Variants in ENPP1 observed in about 807,000 individuals in gnomAD.
The protein encoded by ENPP1 is ectonucleotide pyrophosphatase/phosphodiesterase family member 1.
ENPP1 carries 73 observed loss-of-function variants against 122.8 expected under a neutral mutation model. The ratio of observed to expected loss-of-function variants is 0.59; its 90% CI spans 0.49 to 0.72. ENPP1 has a LOEUF of 0.72. Ranked by LOEUF, ENPP1 falls within the 30% of genes least tolerant of loss-of-function variation. The pLI, the probability that ENPP1 is intolerant of heterozygous loss-of-function variation, is 0.00. For synonymous variants in ENPP1, 367 were observed against 391.6 expected, an observed-to-expected ratio of 0.94 and a Z score of 0.74; for missense variants, 978 against 1,128.1, an observed-to-expected ratio of 0.87 and a Z score of 1.91.
At chr6:131,865,539 C>A (rs866466948) in intron 11 of ENPP1, among the ~76,000 whole-genome samples, 2 of 152,332 alleles carry the variant, frequency 1.3e-5, no homozygotes, top group South Asian at 2.1e-4. Context: ...ACTTAGCCAG[C>A]GCCTAGCTAT....
intron 18 of ENPP1, 138 bp from the exon 19 acceptor site, chr6:131,878,403 GA>G (rs34248452): frequency 3.3e-5 from 23 of 689,818 alleles, no homozygotes; most frequent in East Asian, 1.4e-4. Context: ...CCTTGAAAGA[GA>G]AAAAAAAATC....
At chr6:131,853,526 T>A (rs1781906984) in intron 5 of ENPP1, among the ~76,000 whole-genome samples, 1 of 152,158 alleles carries the variant, frequency 6.6e-6, no homozygotes, top group Admixed American at 6.5e-5. Context: ...TGATTTCTGT[T>A]GATTGAATAA....
chr6:131,810,118 G>C (rs1327246277), intron 1 of ENPP1, among the ~76,000 whole-genome samples: 1 of 152,236 alleles, frequency 6.6e-6, no homozygotes, highest in Admixed American at 6.5e-5. Flanking sequence ...CAGCACTTTG[G>C]GAAGTTGAGG....
Position 131,884,978 on chromosome 6 carries a change from G to C in ENPP1, c.2359G>C (p.Glu787Gln). 6.2e-7 allele frequency: 1 copy of C among 1,614,044 alleles called. No homozygotes were observed. The highest frequency in any genetic ancestry group is 8.5e-7 in the Non-Finnish European group (1 of 1,179,928). ...HDTLLRKYAE[E>Q]RNGVNVVSGP... Reference sequence around the variant, plus strand: ...CACCCTACTGCGAAAGTATGCTGAAGAAAGAAATGGTGTCAATGTCGTCAG... The same window carrying C: ...CACCCTACTGCGAAAGTATGCTGAACAAAGAAATGGTGTCAATGTCGTCAG... Residue 787 changes from glutamate to glutamine, a missense_variant, in exon 23 of 25, where the codon GAA (glutamate) becomes CAA (glutamine). Transcript: ENST00000647893.
At chr6:131,811,355 CATATATCTATATCTATATCT>C (rs1327824117) in intron 1 of ENPP1, among the ~76,000 whole-genome samples, 89 of 128,974 alleles carry the variant, frequency 6.9e-4, no homozygotes, top group African/African-American at 1.5e-3. Context: ...TTTAAAAAAA[CATATATCTATATCTATATCT>C]ATATATCTAT....
At chr6:131,849,581 T>A (rs1032937015) in intron 2 of ENPP1, among the ~76,000 whole-genome samples, 1 of 152,100 alleles carries the variant, frequency 6.6e-6, no homozygotes, top group East Asian at 1.9e-4. Flanking sequence ...CTAAAAAAAA[T>A]TTTTCCCACA....
At chr6:131,876,249 T>G (rs148885130) in intron 17 of ENPP1, among the ~76,000 whole-genome samples, 128 of 152,298 alleles carry the variant, frequency 8.4e-4, no homozygotes, top group African/African-American at 2.9e-3. Flanking sequence ...GCCATAATGG[T>G]TGAATATAGG....
chr6:131,832,466 G>T (rs1005413128), intron 1 of ENPP1, among the ~76,000 whole-genome samples: 11 of 152,164 alleles, frequency 7.2e-5, no homozygotes, highest in Non-Finnish European at 1.6e-4. Flanking sequence ...AATGATTTAG[G>T]CATAAGATCT....
At chr6:131,886,955 G>A (rs1236425471) in intron 24 of ENPP1, among the ~76,000 whole-genome samples, 3 of 146,672 alleles carry the variant, frequency 2.0e-5, no homozygotes, top group Non-Finnish European at 3.0e-5. Flanking sequence ...TTAGAGATAG[G>A]GTCTTTCTAT....
chr6:131,854,814 A>G (rs1036906516), intron 5 of ENPP1, 112 bp from the exon 6 acceptor site: 9 of 772,404 alleles, frequency 1.2e-5, no homozygotes, highest in Non-Finnish European at 2.1e-5. Flanking sequence ...AAGATCACAC[A>G]GACCTTAGTG....
At chr6:131,889,316 A>T (rs924979381) in intron 24 of ENPP1, among the ~76,000 whole-genome samples, 6 of 152,060 alleles carry the variant, frequency 3.9e-5, no homozygotes, top group Admixed American at 3.9e-4. Flanking sequence ...TGCTGCACAG[A>T]TCATCCCGTC....
chr6:131,845,632 T>C (rs541579635), intron 1 of ENPP1, among the ~76,000 whole-genome samples: 2 of 152,088 alleles, frequency 1.3e-5, no homozygotes, highest in Admixed American at 1.3e-4. Flanking sequence ...TAATTTTTTG[T>C]ATTTTTAGTA....
At chr6:131,843,806 C>A (rs73539605) in intron 1 of ENPP1, among the ~76,000 whole-genome samples, 1 of 151,924 alleles carries the variant, frequency 6.6e-6, no homozygotes, top group Non-Finnish European at 1.5e-5. Flanking sequence ...TCTTTGTTGT[C>A]GCCACTGGTT....
At chr6:131,836,112 GT>G (rs1781670604) in intron 1 of ENPP1, among the ~76,000 whole-genome samples, 1 of 148,068 alleles carries the variant, frequency 6.8e-6, no homozygotes, top group African/African-American at 2.5e-5. Context: ...AGAGTGTGTG[GT>G]TTTCTTTTTT....
chr6:131,850,386 A>T (rs923551006), intron 3 of ENPP1, among the ~76,000 whole-genome samples: 2 of 152,210 alleles, frequency 1.3e-5, no homozygotes, highest in Non-Finnish European at 1.5e-5. Context: ...TTCAAATTCT[A>T]AAAGCCTGCT....
intron 22 of ENPP1, among the ~76,000 whole-genome samples, chr6:131,884,572 G>A (rs1782352492): frequency 6.6e-6 from 1 of 152,174 alleles, no homozygotes; most frequent in African/African-American, 2.4e-5. Flanking sequence ...AGGAGTTCAA[G>A]ATCAGCCTGG....
chr6:131,808,518 G>A (rs1781310067), intron 1 of ENPP1, among the ~76,000 whole-genome samples: 1 of 152,234 alleles, frequency 6.6e-6, no homozygotes, highest in African/African-American at 2.4e-5. Flanking sequence ...GCCTGTGAAA[G>A]CAGGCTGTTC....
intron 16 of ENPP1, among the ~76,000 whole-genome samples, chr6:131,874,962 A>T (rs1422602036): frequency 6.6e-6 from 1 of 152,156 alleles, no homozygotes; most frequent in Non-Finnish European, 1.5e-5. Flanking sequence ...AACTCAAACA[A>T]AAAGCTAAAA....
chr6:131,864,444 A>C (rs1343326151), intron 9 of ENPP1, 62 bp from the exon 10 acceptor site: 3 of 1,092,858 alleles, frequency 2.7e-6, no homozygotes, highest in Non-Finnish European at 4.2e-6. Flanking sequence ...AATGAAAAAA[A>C]CTATATTTTA....
Sources: gnomAD v4.1 joint callset for allele counts (sites outside exome capture counted in the v4.1 genomes callset) on GRCh38, gnomAD v4.1.1 for gene constraint, MANE v1.5 for transcripts, NCBI Gene and HGNC (gene_info 2026-07-23, HGNC 2026-07-21) for gene names.